NISCH: variants seen among roughly 807,000 people sequenced by gnomAD.
The protein encoded by NISCH is nischarin.
In NISCH, 55 loss-of-function variants were observed where a neutral mutation model predicts 138.4. The ratio of observed to expected loss-of-function variants is 0.40; its 90% confidence interval spans 0.32 to 0.50. The LOEUF (loss-of-function observed/expected upper bound fraction) is 0.50. Ranked by LOEUF, NISCH falls within the 20% of genes least tolerant of loss-of-function variation. NISCH has a pLI of 0.71. For synonymous variants in NISCH, 860 were observed against 861.5 expected, an observed-to-expected ratio of 1.00 and a Z score of 0.03; for missense variants, 1,643 against 2,005.5, an observed-to-expected ratio of 0.82 and a Z score of 3.45.
rs1707250197 is a variant in NISCH, at chr3:52,480,838, C to T, written c.1528+543C>T. On this transcript the variant is annotated intron_variant, in intron 13 of 20. Coordinates refer to ENST00000345716, the MANE Select transcript of NISCH (RefSeq NM_007184.4). ...AAGACCAGGCCCATTCGTCTGCCCA[C>T]TATCTTAGCGTTTTCAAAGGGCTTT... 4 of 1,529,830 alleles carry T rather than the reference C, an allele frequency of 2.6e-6. No individual in the cohort carries two copies. The Admixed American group carries it at 6.0e-5, about 23-fold the overall frequency. The allele number at this position is 1,529,830 out of a possible 1,614,324, so 94.8% of individuals were successfully genotyped here.
intron 3 of NISCH, among the ~76,000 whole-genome samples, chr3:52,462,525 T>C (rs1706664235): frequency 1.3e-5 from 2 of 152,262 alleles, no homozygotes; most frequent in Admixed American, 6.5e-5. Flanking sequence ...CTCTTAACTT[T>C]TATACTGTCT....
intron 15 of NISCH, chr3:52,486,468 A>ATGG (rs1707404526): frequency 6.6e-6 from 1 of 152,226 alleles, no homozygotes; most frequent in Admixed American, 6.5e-5. Flanking sequence ...TTTGTCACCC[A>ATGG]GGCTGGAGTG....
intron 12 of NISCH, 70 bp from the exon 13 acceptor site, chr3:52,480,114 C>T: frequency 6.4e-7 from 1 of 1,572,678 alleles, no homozygotes; most frequent in Non-Finnish European, 8.7e-7. Flanking sequence ...GCTCCCTCCT[C>T]ACACCCCTGG....
chr3:52,491,247 T>G, intron 19 of NISCH, 105 bp from the exon 20 acceptor site: 1 of 1,475,840 alleles, frequency 6.8e-7, no homozygotes, highest in South Asian at 1.4e-5. Context: ...CTCCTGGCCC[T>G]GGCCTCTGGG....
rs375734773 is a variant in NISCH, at chr3:52,492,062, G to A, written c.4095G>A (p.Arg1365=). Residue 1365 remains arginine (R), a synonymous_variant, in exon 21 of 21, where the codon AGG becomes AGA. Coordinates refer to ENST00000345716, the MANE Select transcript of NISCH (RefSeq NM_007184.4). ...GCATGCCACCCCCTGGGTGCTGCAG[G>A]GGCCCCCTGCGCCCCAAGACACTCC... The part of the protein sequence containing the change: ...QVGMPPPGCC[R]GPLRPKTLLL... 2.5e-6 allele frequency: 4 copies of A among 1,612,954 alleles called. No homozygotes were observed. The East Asian group carries it at 6.7e-5, about 27-fold the overall frequency.
At chr3:52,489,746 C>CA (rs1308642259) in intron 17 of NISCH, 68 bp downstream of exon 17, 5 of 1,558,454 alleles carry the variant, frequency 3.2e-6, no homozygotes, top group Non-Finnish European at 4.3e-6. Flanking sequence ...AGCTTGGCTT[C>CA]AGGTCAGCCT....
rs1284837727 is a variant in NISCH, at chr3:52,485,071, C to T, written c.1653+434C>T. On this transcript the variant is annotated intron_variant, in intron 14 of 20. Transcript: ENST00000345716. ...CCACTCGGCGCCTTTCCGCATGTCA[C>T]CCTGGTGGTCTGGGAAACAGTCTCA... 2.6e-5 allele frequency among the ~76,000 whole-genome samples: 4 copies of T among 152,298 alleles called. No homozygotes were observed. The East Asian group carries it at 7.7e-4, about 29-fold the overall frequency.
chr3:52,458,803 AC>A lies in NISCH; in HGVS notation c.324del (p.Arg109GlufsTer14). On this transcript the variant is annotated frameshift_variant, in exon 3 of 21. Transcript: ENST00000345716. LOFTEE classifies it high-confidence loss of function. ...GCTCCTGGCTGCCTTCCCTGGCGTG[AC>A]CCCCAGAGTACTGGCCCACTTCTTG... ...QKLLAAFPGV[T>X]PRVLAHFLHF... is the part of the protein sequence containing the mutation. 3.1e-6 allele frequency: 5 copies of A among 1,612,052 alleles called. No homozygotes were observed. Among genetic ancestry groups the A allele is most frequent in the Non-Finnish European group, 4.2e-6 (5 of 1,179,756 alleles).
At position 52,476,483 on chromosome 3, in the gene NISCH, T is replaced by A. The variant is rs1344273606; in HGVS notation, c.802T>A (p.Trp268Arg). The change falls in exon 8 of 21, where the codon TGG (tryptophan) becomes AGG (arginine). Residue 268 changes from tryptophan (W) to arginine (R), a missense_variant. Physicochemically the swap from Trp to Arg is moderately radical, Grantham distance 101. Transcript: ENST00000345716. ...TCCTGAAGCCTCAGAATTTGATGAG[T>A]GGGAGCCTGAAGGCACAACCCTAGA... ...LVPEASEFDE[W>R]EPEGTTLEGP... 1 of 1,614,034 alleles carries A rather than the reference T, an allele frequency of 6.2e-7. No individual in the cohort carries two copies. Among genetic ancestry groups the A allele is most frequent in the South Asian group, 1.1e-5 (1 of 91,072 alleles).
In NISCH at chr3:52,488,652, C is replaced by T. The variant is rs1231161813; in HGVS notation, c.3113+47C>T. 2.1e-6 allele frequency: 3 copies of T among 1,453,118 alleles called. No homozygotes were observed. The East Asian group carries it at 7.2e-5, about 35-fold the overall frequency. 90.0% of individuals were successfully genotyped at this position (1,453,118 alleles called of 1,614,324 possible). A position where few individuals can be genotyped will look rare whatever the true frequency, so the allele number is the denominator to read the frequency against. ...AGGGGCCCCGGGGGCATGGGTCTGG[C>T]ATGTGTGTGATCTCAGCATCTGCGG... On this transcript the variant is annotated intron_variant, in intron 16 of 20. Transcript: ENST00000345716.
chr3:52,491,748 C>T (rs1322457366), intron 20 of NISCH, 124 bp from the exon 21 acceptor site: 6 of 1,320,152 alleles, frequency 4.5e-6, no homozygotes, highest in African/African-American at 2.9e-5. Flanking sequence ...GTGGGCCCCA[C>T]ACTTGGAGCA....
chr3:52,473,582 A>C, intron 6 of NISCH, 152 bp from the exon 7 acceptor site: 2 of 527,224 alleles, frequency 3.8e-6, no homozygotes, highest in Non-Finnish European at 6.9e-6. Flanking sequence ...CACTGGGAAA[A>C]AGAGACACTT....
At chr3:52,457,441 C>T (rs751064693) in intron 1 of NISCH, among the ~76,000 whole-genome samples, 8 of 152,346 alleles carry the variant, frequency 5.3e-5, no homozygotes, top group Non-Finnish European at 1.2e-4. Flanking sequence ...CTAGAACTGG[C>T]CCTGCTCTGC....
intron 13 of NISCH, among the ~76,000 whole-genome samples, chr3:52,483,774 G>A (rs1301210784): frequency 1.3e-5 from 2 of 152,234 alleles, no homozygotes; most frequent in African/African-American, 4.8e-5. Flanking sequence ...ATCAGGGGAC[G>A]GGGTCATGTC....
Position 52,488,201 on chromosome 3 carries a change from C to T in NISCH, c.2709C>T (p.Ser903=), listed in dbSNP as rs201307683. 38 of 1,613,146 alleles carry T rather than the reference C, an allele frequency of 2.4e-5. No individual in the cohort carries two copies. The highest frequency in any genetic ancestry group is 6.7e-5 in the African/African-American group (5 of 75,046). ...GCGCGCCCTCTGAGGCCGTCAAGTC[C>T]GCCGCCATCCCCTACTGGCTGTTGC... ...SCCAPSEAVK[S]AAIPYWLLLT... is the part of the protein sequence containing the mutation. Residue 903 remains serine (S), a synonymous_variant, in exon 16 of 21, where the codon TCC becomes TCT. Coordinates refer to ENST00000345716, the MANE Select transcript of NISCH (RefSeq NM_007184.4).
Position 52,490,771 on chromosome 3 carries a change from T to C in NISCH, c.3680T>C (p.Leu1227Pro). ...TTCCACATCTCCCAGTGCTTCGTGC[T>C]AAAGCTTAGTGACCTGCAGTCAGTC... ...SPFHISQCFVLKLSDLQSVNV... is the reference protein window; with the variant it reads ...SPFHISQCFVPKLSDLQSVNV... Residue 1227 changes from leucine (L) to proline (P), a missense_variant, in exon 19 of 21, where the codon CTA (leucine) becomes CCA (proline). Transcript: ENST00000345716. 1 of 1,614,218 alleles carries C rather than the reference T, an allele frequency of 6.2e-7. No individual in the cohort carries two copies. The highest frequency in any genetic ancestry group is 1.1e-5 in the South Asian group (1 of 91,090).
rs199861420 is a variant in NISCH at position 52,491,892 on chromosome 3, C to G, written c.3925C>G (p.Leu1309Val). The G allele has an allele frequency of 6.2e-7, 1 of 1,600,308 alleles. No homozygotes were observed. Among genetic ancestry groups the G allele is most frequent in the Non-Finnish European group, 8.5e-7 (1 of 1,171,024 alleles). The change falls in exon 21 of 21, where the codon CTG becomes GTG. Residue 1309 changes from leucine to valine, a missense_variant. Transcript: ENST00000345716. The part of the protein sequence containing the change: ...KTTGKMENYE[L>V]IHSSRVKFTY... ...TGCAGGGAAGATGGAGAACTACGAGCTGATCCACTCTAGTCGCGTCAAGTT... is the reference window on the plus strand; with the variant it reads ...TGCAGGGAAGATGGAGAACTACGAGGTGATCCACTCTAGTCGCGTCAAGTT...
intron 10 of NISCH, 52 bp downstream of exon 10, chr3:52,478,334 A>G (rs750021805): frequency 6.2e-7 from 1 of 1,607,002 alleles, no homozygotes; most frequent in South Asian, 1.1e-5. Context: ...GGTGTGTATC[A>G]TGTTAAAGAA....
chr3:52,488,506 T>C lies in NISCH; in HGVS notation c.3014T>C (p.Leu1005Pro). 6.2e-7 allele frequency: 1 copy of C among 1,613,310 alleles called. No individual in the cohort carries two copies. Reference sequence around the variant, plus strand: ...GTCTACAACCAGCTGCGGGCCTCGCTGCAGGACCTGAAGACTGTGGTCATC... The same window carrying C: ...GTCTACAACCAGCTGCGGGCCTCGCCGCAGGACCTGAAGACTGTGGTCATC... ...LRVYNQLRASLQDLKTVVIAK... is the reference protein window; with the variant it reads ...LRVYNQLRASPQDLKTVVIAK... The change falls in exon 16 of 21, where the codon CTG (leucine) becomes CCG (proline). Residue 1005 changes from leucine to proline, a missense_variant. Physicochemically the swap from Leu to Pro is moderately conservative, Grantham distance 98. Transcript: ENST00000345716.
Sources: gnomAD v4.1 joint callset for allele counts (sites outside exome capture counted in the v4.1 genomes callset) on GRCh38, gnomAD v4.1.1 for gene constraint, MANE v1.5 for transcripts, NCBI Gene and HGNC (gene_info 2026-07-23, HGNC 2026-07-21) for gene names.